PAPPA: variants seen among roughly 807,000 people sequenced by gnomAD.
PAPPA encodes the protein pappalysin 1, also known as pappalysin-1.
In PAPPA, 60 loss-of-function variants were observed where a neutral mutation model predicts 164.0. That is an observed-to-expected ratio of 0.37 (90% CI 0.30 to 0.45). PAPPA has a LOEUF of 0.45. Ranked by LOEUF, PAPPA falls within the 20% of genes least tolerant of loss-of-function variation. The pLI is 1.00. For synonymous variants in PAPPA, 875 were observed against 814.1 expected (o/e 1.07, Z -1.27); for missense variants, 1,782 against 2,087.3 (o/e 0.85, Z 2.85).
chr9:116,206,855 G>T (rs1844241781), intron 2 of PAPPA, among the ~76,000 whole-genome samples: 2 of 152,078 alleles, frequency 1.3e-5, no homozygotes, highest in African/African-American at 4.8e-5. Flanking sequence ...CCCAGCAGAG[G>T]AAACAGCATG....
intron 8 of PAPPA, among the ~76,000 whole-genome samples, chr9:116,270,874 T>C (rs1368008854): frequency 6.6e-6 from 1 of 152,010 alleles, no homozygotes; most frequent in African/African-American, 2.4e-5. Context: ...TTTAAGTATA[T>C]TGGGGGAATA....
At chr9:116,305,000 G>C (rs1173234320) in intron 10 of PAPPA, among the ~76,000 whole-genome samples, 1 of 151,884 alleles carries the variant, frequency 6.6e-6, no homozygotes, top group Non-Finnish European at 1.5e-5. Flanking sequence ...GAGGGCAGCA[G>C]AACAAAAGTC....
At chr9:116,273,327 GC>G (rs1310761605) in intron 9 of PAPPA, among the ~76,000 whole-genome samples, 3 of 152,182 alleles carry the variant, frequency 2.0e-5, no homozygotes. Flanking sequence ...TAGCCAGCCT[GC>G]CCCCTGTAAT....
At chr9:116,279,504 A>G (rs1163190433) in intron 9 of PAPPA, among the ~76,000 whole-genome samples, 1 of 151,994 alleles carries the variant, frequency 6.6e-6, no homozygotes, top group Non-Finnish European at 1.5e-5. Context: ...ACGGCCTCTG[A>G]CGCCAGAAGG....
chr9:116,263,978 A>G (rs933513916), intron 7 of PAPPA, among the ~76,000 whole-genome samples: 1 of 152,248 alleles, frequency 6.6e-6, no homozygotes, highest in Non-Finnish European at 1.5e-5. Flanking sequence ...CAATGACTGG[A>G]TAGCCCCAGT....
chr9:116,358,784 G>A (rs1846385661), intron 17 of PAPPA, among the ~76,000 whole-genome samples: 1 of 152,168 alleles, frequency 6.6e-6, no homozygotes, highest in African/African-American at 2.4e-5. Flanking sequence ...CAAGAGACAT[G>A]GTTCTGACAT....
At chr9:116,192,841 G>A (rs2118641842) in intron 2 of PAPPA, among the ~76,000 whole-genome samples, 1 of 152,276 alleles carries the variant, frequency 6.6e-6, no homozygotes, top group South Asian at 2.1e-4. Context: ...GGAAAACCTG[G>A]ATATTAATAG....
chr9:116,333,910 C>T (rs3761843), intron 12 of PAPPA, among the ~76,000 whole-genome samples: 94,577 of 151,882 alleles, frequency 0.62, 30,752 homozygotes, highest in East Asian at 0.88. Context: ...CAGCATTCTC[C>T]GAGGCAGCTT....
chr9:116,233,034 G>T (rs1446601905), intron 6 of PAPPA, among the ~76,000 whole-genome samples: 4 of 152,160 alleles, frequency 2.6e-5, no homozygotes, highest in Non-Finnish European at 5.9e-5. Flanking sequence ...GCCCATGGAG[G>T]GGTGGAATGT....
chr9:116,223,054 A>G (rs1464390847), intron 5 of PAPPA, among the ~76,000 whole-genome samples: 1 of 152,200 alleles, frequency 6.6e-6, no homozygotes, highest in East Asian at 1.9e-4. Context: ...TTAATTTTTC[A>G]CATTACCATC....
chr9:116,213,947 C>A (rs541553821), intron 4 of PAPPA, among the ~76,000 whole-genome samples: 6 of 152,288 alleles, frequency 3.9e-5, no homozygotes, highest in Non-Finnish European at 8.8e-5. Flanking sequence ...CATGGGAGCT[C>A]TCTCCATCAA....
intron 7 of PAPPA, among the ~76,000 whole-genome samples, chr9:116,255,087 T>G (rs2118788759): frequency 6.6e-6 from 1 of 151,968 alleles, no homozygotes; most frequent in African/African-American, 2.4e-5. Flanking sequence ...TATAATATAC[T>G]CTGAGTTTCA....
chr9:116,268,703 A>G (rs527563273), intron 8 of PAPPA, among the ~76,000 whole-genome samples: 31 of 152,122 alleles, frequency 2.0e-4, no homozygotes, highest in African/African-American at 7.5e-4. Flanking sequence ...TACTTAATAC[A>G]GTTTTTTTTT....
intron 1 of PAPPA, among the ~76,000 whole-genome samples, chr9:116,169,223 CTCTT>C (rs1457622690): frequency 6.6e-6 from 1 of 151,248 alleles, no homozygotes; most frequent in Admixed American, 6.6e-5. Context: ...CTCTCTTCCT[CTCTT>C]TCTTTCCAGT....
Position 116,235,637 on chromosome 9 carries a change from T to A in PAPPA, c.2732T>A (p.Met911Lys), listed in dbSNP as rs765411164. The stretch of plus-strand genomic sequence containing the variant: ...CATCTCAATAGGAAATTCGTAGACA[T>A]GTAAGTGCATTCTCTGAATAGGGAG... ...ILHLNRKFVD[M>K]DLNLGSVYQY... The change falls in exon 7 of 22, where the codon ATG becomes AAG. Residue 911 changes from methionine (M) to lysine (K), a missense_variant and splice_region_variant. Physicochemically the swap from Met to Lys is moderately conservative, Grantham distance 95. Coordinates refer to ENST00000328252, the MANE Select transcript of PAPPA (RefSeq NM_002581.5). 5.0e-6 allele frequency: 8 copies of A among 1,612,742 alleles called. No individual in the cohort carries two copies. Among genetic ancestry groups the A allele is most frequent in the Non-Finnish European group, 6.8e-6 (8 of 1,179,830 alleles).
chr9:116,255,039 G>T (rs57274781), intron 7 of PAPPA, among the ~76,000 whole-genome samples: 4,277 of 151,648 alleles, frequency 0.028, 220 homozygotes, highest in African/African-American at 0.098. Context: ...GCGTTGAAAC[G>T]ATTGTTCTCT....
intron 10 of PAPPA, among the ~76,000 whole-genome samples, chr9:116,313,475 A>C (rs932703956): frequency 2.0e-5 from 3 of 152,334 alleles, no homozygotes; most frequent in Middle Eastern, 3.4e-3. Context: ...CACCTGGGTA[A>C]TGCCCATGTC....
Position 116,227,471 on chromosome 9 carries a change from A to C in PAPPA, c.2152A>C (p.Ile718Leu). 2 of 1,614,038 alleles carry C rather than the reference A, an allele frequency of 1.2e-6. No individual in the cohort carries two copies. The highest frequency in any genetic ancestry group is 1.7e-6 in the Non-Finnish European group (2 of 1,179,980). Reference sequence around the variant, plus strand: ...ATGTCATCTTTGCCTGGAAGGGAGAATCCTGGTGCAGTATGCTTCCAACGC... The same window carrying C: ...ATGTCATCTTTGCCTGGAAGGGAGACTCCTGGTGCAGTATGCTTCCAACGC... Reference protein sequence around the residue: ...SACHLCLEGRILVQYASNASS... With the variant: ...SACHLCLEGRLLVQYASNASS... Residue 718 changes from isoleucine to leucine, a missense_variant, in exon 6 of 22, where the codon ATC (isoleucine) becomes CTC (leucine). Transcript: ENST00000328252.
At chr9:116,242,823 C>T (rs1393916190) in intron 7 of PAPPA, among the ~76,000 whole-genome samples, 1 of 152,218 alleles carries the variant, frequency 6.6e-6, no homozygotes, top group African/African-American at 2.4e-5. Context: ...ATCATGACTG[C>T]TTATTATTTG....
Sources: allele counts gnomAD v4.1 joint callset (sites outside exome capture counted in the v4.1 genomes callset), GRCh38; gene constraint gnomAD v4.1.1; transcripts MANE v1.5; gene names NCBI Gene and HGNC (gene_info 2026-07-23, HGNC 2026-07-21).